Variants in MAPK10 observed in about 807,000 individuals in gnomAD.
MAPK10 encodes mitogen-activated protein kinase 10, also known as JNK3 alpha protein kinase.
MAPK10 carries 25 observed loss-of-function variants against 59.3 expected under a neutral mutation model. That is an observed-to-expected ratio of 0.42 (90% CI 0.31 to 0.59). The LOEUF (loss-of-function observed/expected upper bound fraction) is 0.59. Ranked by LOEUF, MAPK10 falls within the 20% of genes least tolerant of loss-of-function variation. The pLI, the probability that MAPK10 is intolerant of heterozygous loss-of-function variation, is 0.15. For synonymous variants in MAPK10, 190 were observed against 200.5 expected (o/e 0.95, Z 0.44); for missense variants, 351 against 568.9 (o/e 0.62, Z 3.90).
At chr4:86,230,691 T>C (rs1202296488) in intron 2 of MAPK10, among the ~76,000 whole-genome samples, 1 of 152,236 alleles carries the variant, frequency 6.6e-6, no homozygotes, top group African/African-American at 2.4e-5. Flanking sequence ...AATTATTTCT[T>C]TAAAACTACC....
At chr4:86,509,308 A>T (rs1756029602) in intron 1 of MAPK10, among the ~76,000 whole-genome samples, 1 of 152,116 alleles carries the variant, frequency 6.6e-6, no homozygotes. Flanking sequence ...TGAAGGATTG[A>T]TATTCTATAC....
chr4:86,073,957 T>C (rs1483809551), intron 9 of MAPK10, among the ~76,000 whole-genome samples: 1 of 102,660 alleles, frequency 9.7e-6, no homozygotes, highest in African/African-American at 4.4e-5. Context: ...CTTGTTGACT[T>C]TCTGTCTCGT....
At chr4:86,559,820 T>A (rs2149103754) in intron 1 of MAPK10, among the ~76,000 whole-genome samples, 1 of 151,738 alleles carries the variant, frequency 6.6e-6, no homozygotes, top group East Asian at 1.9e-4. Context: ...GTGTCTGTAA[T>A]CCCAGCTACT....
At chr4:86,245,222 G>C (rs1255741945) in intron 2 of MAPK10, among the ~76,000 whole-genome samples, 1 of 151,808 alleles carries the variant, frequency 6.6e-6, no homozygotes, top group Non-Finnish European at 1.5e-5. Flanking sequence ...GCTTATATTC[G>C]AGTGCTTTGA....
chr4:86,097,250 A>G (rs2054408095), intron 9 of MAPK10, among the ~76,000 whole-genome samples: 1 of 151,954 alleles, frequency 6.6e-6, no homozygotes, highest in Non-Finnish European at 1.5e-5. Context: ...TACCTACTAG[A>G]CAGTGCAGTT....
chr4:86,345,221 TC>T (rs1354269633), intron 2 of MAPK10, among the ~76,000 whole-genome samples: 2 of 152,108 alleles, frequency 1.3e-5, no homozygotes, highest in Non-Finnish European at 2.9e-5. Context: ...CCTCATGGAG[TC>T]CTTCACTAGC....
chr4:86,450,471 CAG>C (rs1348553230), intron 1 of MAPK10, among the ~76,000 whole-genome samples: 5 of 152,174 alleles, frequency 3.3e-5, no homozygotes, highest in East Asian at 1.9e-4. Context: ...TATTTGAAAA[CAG>C]AAAGTATTAT....
chr4:86,026,260 C>A (rs1018347296), intron 13 of MAPK10, among the ~76,000 whole-genome samples: 1 of 152,170 alleles, frequency 6.6e-6, no homozygotes, highest in Non-Finnish European at 1.5e-5. Flanking sequence ...GAATCAGATG[C>A]TCTCCTGTAT....
At chr4:86,381,757 G>A (rs1740747240) in intron 1 of MAPK10, among the ~76,000 whole-genome samples, 1 of 152,094 alleles carries the variant, frequency 6.6e-6, no homozygotes. Flanking sequence ...GATAATTTGA[G>A]GTGCATTTAT....
At chr4:86,365,589 T>G (rs2148988776) in intron 1 of MAPK10, among the ~76,000 whole-genome samples, 1 of 152,206 alleles carries the variant, frequency 6.6e-6, no homozygotes, top group South Asian at 2.1e-4. Context: ...ACATTTATGG[T>G]TAATTATAAT....
intron 3 of MAPK10, among the ~76,000 whole-genome samples, chr4:86,190,274 G>T (rs546568736): frequency 6.6e-6 from 1 of 152,262 alleles, no homozygotes; most frequent in African/African-American, 2.4e-5. Flanking sequence ...AATGAGTAAG[G>T]AAGGAGTCCC....
intron 2 of MAPK10, among the ~76,000 whole-genome samples, chr4:86,244,656 A>G (rs2092962160): frequency 1.3e-5 from 2 of 152,254 alleles, no homozygotes; most frequent in South Asian, 4.1e-4. Context: ...CTTCCAGTGA[A>G]CATCAGAAAG....
chr4:86,466,331 C>T (rs1027222461), intron 1 of MAPK10, among the ~76,000 whole-genome samples: 6 of 152,210 alleles, frequency 3.9e-5, no homozygotes, highest in African/African-American at 1.4e-4. Context: ...AGTCTGCATG[C>T]CACGGCCACA....
intron 5 of MAPK10, among the ~76,000 whole-genome samples, chr4:86,105,646 C>G (rs182089992): frequency 6.6e-6 from 1 of 152,100 alleles, no homozygotes; most frequent in Admixed American, 6.6e-5. Context: ...CTTGGTATAA[C>G]AGAATATATT....
intron 2 of MAPK10, among the ~76,000 whole-genome samples, chr4:86,218,237 G>T (rs2035057): frequency 0.33 from 49,700 of 151,686 alleles, 11,035 homozygotes; most frequent in African/African-American, 0.63. Flanking sequence ...GGAGTCTCAC[G>T]CTGTCACCTA....
At chr4:86,403,051 T>C (rs1446297628) in intron 1 of MAPK10, among the ~76,000 whole-genome samples, 1 of 152,040 alleles carries the variant, frequency 6.6e-6, no homozygotes, top group Non-Finnish European at 1.5e-5. Context: ...AAATATAATA[T>C]CAAGTGGTTA....
chr4:86,324,224 T>C (rs944192537), intron 2 of MAPK10, among the ~76,000 whole-genome samples: 3 of 152,052 alleles, frequency 2.0e-5, no homozygotes, highest in African/African-American at 4.8e-5. Flanking sequence ...CTGACCAACA[T>C]GGAGAAACCT....
intron 2 of MAPK10, among the ~76,000 whole-genome samples, chr4:86,253,308 G>T (rs1231543989): frequency 1.3e-5 from 1 of 74,794 alleles, no homozygotes; most frequent in Admixed American, 1.3e-4. Flanking sequence ...TTGGCTGTGG[G>T]TTTGTCATAG....
At chr4:86,214,531 A>AG (rs1005521609) in intron 2 of MAPK10, among the ~76,000 whole-genome samples, 13 of 151,282 alleles carry the variant, frequency 8.6e-5, no homozygotes, top group African/African-American at 3.1e-4. Flanking sequence ...AAAAAAAAAA[A>AG]AAAACTGTTA....
Sources: allele counts gnomAD v4.1 joint callset (sites outside exome capture counted in the v4.1 genomes callset), GRCh38; gene constraint gnomAD v4.1.1; transcripts MANE v1.5; gene names NCBI Gene and HGNC (gene_info 2026-07-23, HGNC 2026-07-21).